The following CSMD1 variants were observed in gnomAD, a reference collection of about 807,000 sequenced individuals.
CSMD1 encodes CUB and sushi domain-containing protein 1.
In CSMD1, 213 loss-of-function variants were observed where a neutral mutation model predicts 417.5. That is an observed-to-expected ratio of 0.51 (90% confidence interval 0.46 to 0.57). The LOEUF is 0.57. Among genes scored for constraint, CSMD1 ranks in the 20% least tolerant of loss-of-function variants. The pLI, the probability that CSMD1 is intolerant of heterozygous loss-of-function variation, is 0.00. For missense variants in CSMD1, 6,923 were observed against 4,529.7 expected (o/e 1.53, Z -15.17); for synonymous variants, 2,862 against 1,736.8 (o/e 1.65, Z -16.11).
chr8:3,151,352 A>G (rs1454092767), intron 40 of CSMD1, 45 bp downstream of exon 40: 2 of 1,228,866 alleles, frequency 1.6e-6, no homozygotes, highest in South Asian at 2.5e-5. Flanking sequence ...CCAAGATGGA[A>G]ATGAAAAAAA....
chr8:3,973,774 T>G (rs934097089), intron 5 of CSMD1, among the ~76,000 whole-genome samples: 1 of 152,200 alleles, frequency 6.6e-6, no homozygotes, highest in Non-Finnish European at 1.5e-5. Flanking sequence ...GTTTCATTAT[T>G]TGAGACACAG....
At position 4,536,827 on chromosome 8, in the gene CSMD1, C is replaced by T. The variant is rs1052209664; in HGVS notation, c.302+100515G>A. 2.6e-5 allele frequency among the ~76,000 whole-genome samples: 4 copies of T among 152,188 alleles called. No homozygotes were observed. The South Asian group carries it at 8.3e-4, about 31-fold the overall frequency. ...TTTTATTAACATGCGGCCAAATTTC[C>T]TTTCACAAGGGGTGTCACCTTTTGC... is the stretch of plus-strand genomic sequence containing the variant. On this transcript the variant is annotated intron_variant, in intron 2 of 69. Transcript: ENST00000635120.
chr8:4,833,263 G>C (rs1294832876), intron 1 of CSMD1, among the ~76,000 whole-genome samples: 1 of 152,190 alleles, frequency 6.6e-6, no homozygotes, highest in Non-Finnish European at 1.5e-5. Flanking sequence ...GCATGGCTGG[G>C]AGGCTTCAGG....
rs576587981 is a variant in CSMD1, at chr8:3,724,603, G to C, written c.932-16112C>G. On this transcript the variant is annotated intron_variant, in intron 6 of 69. Coordinates refer to ENST00000635120, the MANE Select transcript of CSMD1 (RefSeq NM_033225.6). ...GAGAGGAATTAGGGAGGGGGAATGA[G>C]AATTGGCCTCTGGGTCACTCCCAGT... 8.5e-5 allele frequency among the ~76,000 whole-genome samples: 13 copies of C among 152,254 alleles called. No individual in the cohort carries two copies. In the East Asian group the frequency reaches 1.5e-3, roughly 18 times the overall value.
In CSMD1 at chr8:3,663,126, C is replaced by T. The variant is rs2117466633; in HGVS notation, c.1009+45288G>A. Among the ~76,000 whole-genome samples, 3 of 152,166 alleles carry T rather than the reference C, an allele frequency of 2.0e-5. No individual in the cohort carries two copies. The Middle Eastern group carries it at 0.01, about 518-fold the overall frequency. On this transcript the variant is annotated intron_variant, in intron 7 of 69. Coordinates refer to ENST00000635120, the MANE Select transcript of CSMD1 (RefSeq NM_033225.6). ...CAATGAAGACCTGAAGCAGTGGGGG[C>T]CTCAGGAGAGGCCGACAAAGAAAAG...
chr8:4,112,217 T>G (rs1312019302), intron 3 of CSMD1, among the ~76,000 whole-genome samples: 1 of 152,106 alleles, frequency 6.6e-6, no homozygotes. Context: ...AACACCTCTT[T>G]CAGGGGTGTG....
chr8:4,747,377 G>T (rs34059473), intron 1 of CSMD1, among the ~76,000 whole-genome samples: 1 of 152,048 alleles, frequency 6.6e-6, no homozygotes. Context: ...CGGTTTTCAT[G>T]GCGAGACACA....
At chr8:4,859,607 A>G (rs1249546384) in intron 1 of CSMD1, among the ~76,000 whole-genome samples, 3 of 152,178 alleles carry the variant, frequency 2.0e-5, no homozygotes, top group Non-Finnish European at 4.4e-5. Flanking sequence ...AAGGACATGA[A>G]CAGACACTTC....
chr8:4,976,317 G>A (rs1406760664), intron 1 of CSMD1, among the ~76,000 whole-genome samples: 3 of 152,162 alleles, frequency 2.0e-5, no homozygotes, highest in Non-Finnish European at 4.4e-5. Flanking sequence ...CTCAGAAGTT[G>A]CAGCTGTTCC....
At chr8:4,417,885 A>G (rs1039488413) in intron 3 of CSMD1, among the ~76,000 whole-genome samples, 3 of 152,062 alleles carry the variant, frequency 2.0e-5, no homozygotes, top group African/African-American at 7.2e-5. Flanking sequence ...GGAAAGTAAT[A>G]GTTGTCTAAA....
chr8:4,178,231 T>C (rs1798165461), intron 3 of CSMD1, among the ~76,000 whole-genome samples: 2 of 152,220 alleles, frequency 1.3e-5, no homozygotes, highest in Admixed American at 6.5e-5. Context: ...GCTAATCCAC[T>C]ATCATCAAGT....
intron 30 of CSMD1, among the ~76,000 whole-genome samples, chr8:3,211,432 T>C (rs1055793894): frequency 2.6e-5 from 4 of 152,202 alleles, no homozygotes; most frequent in South Asian, 2.1e-4. Context: ...CTGTAATGCG[T>C]GGCAGAGATC....
At chr8:3,902,492 G>C (rs1807822539) in intron 5 of CSMD1, among the ~76,000 whole-genome samples, 1 of 152,016 alleles carries the variant, frequency 6.6e-6, no homozygotes, top group Non-Finnish European at 1.5e-5. Flanking sequence ...GGATAGTTTG[G>C]GATGAAACTT....
intron 11 of CSMD1, among the ~76,000 whole-genome samples, chr8:3,483,404 A>G (rs1817852706): frequency 6.6e-6 from 1 of 152,082 alleles, no homozygotes; most frequent in Non-Finnish European, 1.5e-5. Context: ...CTGATTTGTC[A>G]AAAACTATTA....
In CSMD1 at chr8:2,966,800, T is replaced by C. The variant is rs1187502338; in HGVS notation, c.8924-54A>G. The stretch of plus-strand genomic sequence containing the variant: ...CACAGTGAGTGACCCAGCATGAAAA[T>C]GGCAAACACAAGAGACCAATGGGTA... On this transcript the variant is annotated intron_variant, in intron 57 of 69. Transcript: ENST00000635120. The C allele has an allele frequency of 5.7e-6, 9 of 1,565,452 alleles. No homozygotes were observed. In the East Asian group the frequency reaches 1.4e-4, roughly 24 times the overall value.
chr8:4,332,594 C>G (rs1415689296), intron 3 of CSMD1, among the ~76,000 whole-genome samples: 1 of 122,566 alleles, frequency 8.2e-6, no homozygotes, highest in African/African-American at 3.9e-5. Context: ...CACACACACA[C>G]ACACACACAC....
At chr8:3,647,687 T>C (rs1177372487) in intron 7 of CSMD1, among the ~76,000 whole-genome samples, 1 of 152,224 alleles carries the variant, frequency 6.6e-6, no homozygotes, top group Non-Finnish European at 1.5e-5. Context: ...AGTACAGTTA[T>C]TGTAAGACAT....
intron 5 of CSMD1, among the ~76,000 whole-genome samples, chr8:3,857,149 T>G (rs1206394454): frequency 2.6e-5 from 4 of 152,152 alleles, no homozygotes; most frequent in African/African-American, 7.2e-5. Context: ...ACGAAGTTAG[T>G]GTAAAATGAT....
At chr8:4,594,857 T>C (rs190959469) in intron 2 of CSMD1, among the ~76,000 whole-genome samples, 1 of 152,266 alleles carries the variant, frequency 6.6e-6, no homozygotes, top group Admixed American at 6.5e-5. Flanking sequence ...CCTTAGTAAA[T>C]CTTCATCATG....
Sources: allele counts gnomAD v4.1 joint callset (sites outside exome capture counted in the v4.1 genomes callset), GRCh38; gene constraint gnomAD v4.1.1; transcripts MANE v1.5; gene names NCBI Gene and HGNC (gene_info 2026-07-23, HGNC 2026-07-21).